The following MGRN1 variants were observed in gnomAD, a reference collection of about 807,000 sequenced individuals.
MGRN1 encodes the protein E3 ubiquitin-protein ligase MGRN1.
MGRN1 carries 29 observed loss-of-function variants against 69.2 expected under a neutral mutation model. The observed-to-expected ratio is 0.42, with a 90% confidence interval of 0.31 to 0.57. The LOEUF (loss-of-function observed/expected upper bound fraction) is 0.57. Ranked by LOEUF, MGRN1 falls within the 20% of genes least tolerant of loss-of-function variation. The pLI is 0.15. For missense variants in MGRN1, 998 were observed against 796.2 expected, an observed-to-expected ratio of 1.25 and a Z score of -3.05; for synonymous variants, 470 against 344.2, an observed-to-expected ratio of 1.37 and a Z score of -4.04.
At chr16:4,672,677 G>A (rs1403906860) in intron 9 of MGRN1, among the ~76,000 whole-genome samples, 1 of 152,252 alleles carries the variant, frequency 6.6e-6, no homozygotes, top group African/African-American at 2.4e-5. Flanking sequence ...AGTGGGTGTG[G>A]CGGTGTTCCA....
At chr16:4,666,357 C>T (rs1429506910) in intron 7 of MGRN1, among the ~76,000 whole-genome samples, 1 of 152,116 alleles carries the variant, frequency 6.6e-6, no homozygotes, top group East Asian at 1.9e-4. Flanking sequence ...GTCTCAAACT[C>T]CTGGCCTCAA....
At chr16:4,674,875 C>T (rs1456361158) in intron 10 of MGRN1, among the ~76,000 whole-genome samples, 1 of 151,280 alleles carries the variant, frequency 6.6e-6, no homozygotes, top group African/African-American at 2.4e-5. Flanking sequence ...CTCCTGACCT[C>T]ATGATCCACC....
chr16:4,653,398 C>G (rs781777241), intron 4 of MGRN1, among the ~76,000 whole-genome samples: 4 of 152,210 alleles, frequency 2.6e-5, no homozygotes, highest in Non-Finnish European at 5.9e-5. Context: ...ATCACGTAGG[C>G]AGGATTGATG....
At position 4,689,933 on chromosome 16, in the gene MGRN1, A is replaced by G. The variant is rs1330706059; in HGVS notation, c.*1025A>G. On this transcript the variant is annotated 3_prime_UTR_variant, in exon 17 of 17. Coordinates refer to ENST00000262370, the MANE Select transcript of MGRN1 (RefSeq NM_015246.4). ...AGGTGCCTACCAGCATGCTCGGCTA[A>G]TTTTTTTGTATTTTTAGTAGAGAAG... is the stretch of plus-strand genomic sequence containing the variant. 1.3e-5 allele frequency: 2 copies of G among 151,924 alleles called. No individual in the cohort carries two copies. The highest frequency in any genetic ancestry group is 2.9e-5 in the Non-Finnish European group (2 of 67,994). 9.4% of individuals were successfully genotyped at this position (151,924 alleles called of 1,614,324 possible).
intron 16 of MGRN1, chr16:4,687,888 C>T (rs2079368548): frequency 1.0e-6 from 1 of 985,560 alleles, no homozygotes; most frequent in Non-Finnish European, 1.2e-6. Context: ...GCGAGTCCCT[C>T]TGTTGACCCC....
At chr16:4,668,769 C>CAG (rs1555455684) in intron 8 of MGRN1, among the ~76,000 whole-genome samples, 3 of 151,598 alleles carry the variant, frequency 2.0e-5, no homozygotes, top group Admixed American at 6.6e-5. Flanking sequence ...CATTCACACA[C>CAG]ACATAGACAT....
intron 1 of MGRN1, among the ~76,000 whole-genome samples, chr16:4,639,191 A>T (rs79578021): frequency 0.011 from 1,713 of 152,124 alleles, 32 homozygotes; most frequent in African/African-American, 0.039. Flanking sequence ...TGGACAGTTG[A>T]GGATGATGCC....
Position 4,649,867 on chromosome 16 carries a change from G to C in MGRN1, c.89-498G>C, listed in dbSNP as rs577937932. On this transcript the variant is annotated intron_variant, in intron 1 of 16. Coordinates refer to ENST00000262370, the MANE Select transcript of MGRN1 (RefSeq NM_015246.4). ...GCCAGGAGGCCACCTTGGAAGGCCCGAGGCCAGGTGGCCGAGGCAGAGGGT... is the reference window on the plus strand; with the variant it reads ...GCCAGGAGGCCACCTTGGAAGGCCCCAGGCCAGGTGGCCGAGGCAGAGGGT... 9.2e-4 allele frequency: 143 copies of C among 155,202 alleles called. 1 individual carries two copies. Among genetic ancestry groups the C allele is most frequent in the Middle Eastern group, 3.3e-3 (1 of 306 alleles). The allele number at this position is 155,202 out of a possible 1,614,324, so 9.6% of individuals were successfully genotyped here.
intron 7 of MGRN1, among the ~76,000 whole-genome samples, chr16:4,666,912 G>A (rs1234188067): frequency 6.6e-6 from 1 of 152,214 alleles, no homozygotes; most frequent in African/African-American, 2.4e-5. Context: ...GATGGACGAG[G>A]GGTTGCTGCC....
intron 11 of MGRN1, 60 bp downstream of exon 11, chr16:4,677,632 G>T: frequency 6.6e-7 from 1 of 1,515,272 alleles, no homozygotes; most frequent in Non-Finnish European, 9.0e-7. Context: ...CCTGGGCCAG[G>T]CGCAAGGCCC....
chr16:4,675,555 A>G (rs937002585), intron 10 of MGRN1, among the ~76,000 whole-genome samples: 1 of 152,164 alleles, frequency 6.6e-6, no homozygotes, highest in Non-Finnish European at 1.5e-5. Flanking sequence ...CCTGGGCAAC[A>G]TGGCGAAACC....
chr16:4,668,139 C>CT, intron 7 of MGRN1, 126 bp from the exon 8 acceptor site: 2 of 384,152 alleles, frequency 5.2e-6, no homozygotes, highest in South Asian at 5.1e-5. Flanking sequence ...TTTTTTTTTT[C>CT]TTTTTTCTTT....
intron 1 of MGRN1, among the ~76,000 whole-genome samples, chr16:4,629,191 T>TGTGTGA (rs777024460): frequency 2.8e-4 from 41 of 148,916 alleles, no homozygotes; most frequent in South Asian, 4.2e-4. Flanking sequence ...TGTGTGTGTG[T>TGTGTGA]GAAAAGTGTC....
At chr16:4,670,248 G>C (rs2078908631) in intron 8 of MGRN1, among the ~76,000 whole-genome samples, 1 of 151,726 alleles carries the variant, frequency 6.6e-6, no homozygotes, top group South Asian at 2.1e-4. Context: ...GTTTTATTTT[G>C]TTTTGTATTT....
At chr16:4,628,736 G>A (rs1393610462) in intron 1 of MGRN1, among the ~76,000 whole-genome samples, 1 of 152,156 alleles carries the variant, frequency 6.6e-6, no homozygotes, top group East Asian at 1.9e-4. Flanking sequence ...GTACAGATGA[G>A]GTTTCACCAT....
At chr16:4,682,336 G>A (rs2079204743) in intron 13 of MGRN1, among the ~76,000 whole-genome samples, 1 of 152,240 alleles carries the variant, frequency 6.6e-6, no homozygotes, top group South Asian at 2.1e-4. Flanking sequence ...CGGGTCATTC[G>A]TGGTTCCCCT....
intron 16 of MGRN1, chr16:4,687,281 G>T: frequency 1.0e-6 from 1 of 985,398 alleles, no homozygotes; most frequent in Non-Finnish European, 1.2e-6. Flanking sequence ...TCCAGGCAGT[G>T]GTTCGCACCT....
rs575937065 is a variant in MGRN1, at chr16:4,642,763, G to A, written c.89-7602G>A. 5.9e-5 allele frequency among the ~76,000 whole-genome samples: 9 copies of A among 151,832 alleles called. 2 individuals carry two copies. Among genetic ancestry groups the A allele is most frequent in the African/African-American group, 2.2e-4 (9 of 41,304 alleles). On this transcript the variant is annotated intron_variant, in intron 1 of 16. Transcript: ENST00000262370. ...ATTACAGGGGTGAGCACCGTGCCTG[G>A]TGGGTTATAATTTTTAACGCTTGAA...
chr16:4,681,371 G>A (rs1170284478), intron 12 of MGRN1, 179 bp from the exon 13 acceptor site: 16 of 607,144 alleles, frequency 2.6e-5, no homozygotes, highest in Non-Finnish European at 4.6e-5. Flanking sequence ...GCCCCGTGCT[G>A]GAGCTGATGG....
Sources: gnomAD v4.1 joint callset for allele counts (sites outside exome capture counted in the v4.1 genomes callset) on GRCh38, gnomAD v4.1.1 for gene constraint, MANE v1.5 for transcripts, NCBI Gene and HGNC (gene_info 2026-07-23, HGNC 2026-07-21) for gene names.